Variants in GLCE observed in about 807,000 individuals in gnomAD.
GLCE encodes the protein glucuronic acid epimerase.
A neutral mutation model predicts 47.9 loss-of-function variants in GLCE; 19 were observed. That is an observed-to-expected ratio of 0.40 (90% CI 0.28 to 0.58). The LOEUF is 0.58. GLCE is among the 20% of genes least tolerant of loss of function. GLCE has a pLI of 0.48. For synonymous variants in GLCE, 245 were observed against 263.4 expected (o/e 0.93, Z 0.68); for missense variants, 556 against 743.3 (o/e 0.75, Z 2.93).
chr15:69,183,682 A>G (rs1056049882), intron 1 of GLCE, among the ~76,000 whole-genome samples: 3 of 152,240 alleles, frequency 2.0e-5, no homozygotes, highest in Non-Finnish European at 4.4e-5. Context: ...TGCTGGTAAC[A>G]AAGGCTGAAT....
intron 2 of GLCE, among the ~76,000 whole-genome samples, chr15:69,250,514 A>T (rs180789536): frequency 1.0e-4 from 15 of 150,516 alleles, no homozygotes; most frequent in African/African-American, 3.4e-4. Context: ...GTTTTTCATT[A>T]TTTTTTTTTA....
chr15:69,246,888 C>CT (rs1286856239), intron 2 of GLCE, among the ~76,000 whole-genome samples: 1 of 152,110 alleles, frequency 6.6e-6, no homozygotes, highest in Non-Finnish European at 1.5e-5. Flanking sequence ...TGAAGGGAAT[C>CT]TTTTTTTCTG....
intron 2 of GLCE, among the ~76,000 whole-genome samples, chr15:69,233,569 G>C (rs2052554010): frequency 6.6e-6 from 1 of 152,142 alleles, no homozygotes; most frequent in South Asian, 2.1e-4. Context: ...TTAAACTTCT[G>C]TTTAAAGTCA....
chr15:69,190,543 A>G (rs1039056441), intron 1 of GLCE, among the ~76,000 whole-genome samples: 6 of 152,096 alleles, frequency 3.9e-5, no homozygotes, highest in African/African-American at 9.7e-5. Flanking sequence ...TTTTATTCTT[A>G]GTAATAATCT....
rs2052343888 is a variant in GLCE at position 69,218,986 on chromosome 15, G to A, written c.-14+8580G>A. ...TAGCTGCAAATAATACTTTTAAACT[G>A]TTTTGTCAATAAACTCATTTTATTG... On this transcript the variant is annotated intron_variant, in intron 2 of 4. Coordinates refer to ENST00000261858, the MANE Select transcript of GLCE (RefSeq NM_015554.3). Among the ~76,000 whole-genome samples the A allele has an allele frequency of 2.0e-5, 3 of 151,966 alleles. No individual in the cohort carries two copies. In the South Asian group the frequency reaches 6.2e-4, roughly 32 times the overall value.
intron 3 of GLCE, among the ~76,000 whole-genome samples, chr15:69,259,864 T>A (rs1275783627): frequency 6.6e-6 from 1 of 152,212 alleles, no homozygotes; most frequent in African/African-American, 2.4e-5. Flanking sequence ...CCGTAAACAT[T>A]GTTTTGAATC....
intron 2 of GLCE, among the ~76,000 whole-genome samples, chr15:69,221,093 A>G (rs1433779382): frequency 5.5e-4 from 83 of 152,204 alleles, no homozygotes; most frequent in Non-Finnish European, 2.1e-4. Context: ...GTTCATTTCT[A>G]GGCCCTCTAG....
At chr15:69,197,761 G>A (rs1595749651) in intron 1 of GLCE, among the ~76,000 whole-genome samples, 1 of 152,144 alleles carries the variant, frequency 6.6e-6, no homozygotes, top group African/African-American at 2.4e-5. Context: ...GACAGTGAGT[G>A]TAGATAACAC....
chr15:69,255,936 A>C lies in GLCE; in HGVS notation c.130A>C (p.Ser44Arg). ...AGCAATCCAGTTTCCACGGCGTTCG[A>C]GTAGTGGCTTCAGAGTGGATGGGTT... is the stretch of plus-strand genomic sequence containing the variant. ...DKAIQFPRRS[S>R]SGFRVDGFEK... Residue 44 changes from serine to arginine, a missense_variant, in exon 3 of 5, where the codon AGT (serine) becomes CGT (arginine). Physicochemically the swap from Ser to Arg is moderately radical, Grantham distance 110. Around this residue, in one of 3 missense-constraint regions of GLCE, gnomAD observed 237 missense variants for 310.9 expected, o/e 0.76. Transcript: ENST00000261858. The C allele has an allele frequency of 2.5e-6, 4 of 1,614,056 alleles. No homozygotes were observed. The highest frequency in any genetic ancestry group is 3.4e-6 in the Non-Finnish European group (4 of 1,179,988).
chr15:69,198,874 G>A (rs920452380), intron 1 of GLCE, among the ~76,000 whole-genome samples: 3 of 152,032 alleles, frequency 2.0e-5, no homozygotes, highest in African/African-American at 7.2e-5. Context: ...TTCTTTATAA[G>A]CAAGTTACTA....
At chr15:69,188,259 CAAA>C (rs1311885031) in intron 1 of GLCE, among the ~76,000 whole-genome samples, 1 of 151,786 alleles carries the variant, frequency 6.6e-6, no homozygotes, top group Non-Finnish European at 1.5e-5. Flanking sequence ...CAAAACAAAA[CAAA>C]AAAACACAAC....
At chr15:69,203,199 T>C (rs1220368021) in intron 1 of GLCE, among the ~76,000 whole-genome samples, 2 of 152,142 alleles carry the variant, frequency 1.3e-5, no homozygotes, top group Non-Finnish European at 2.9e-5. Context: ...AATTGGCAAC[T>C]TTTGAAGAGA....
chr15:69,172,980 A>G (rs981717435), intron 1 of GLCE, among the ~76,000 whole-genome samples: 4 of 152,328 alleles, frequency 2.6e-5, no homozygotes, highest in South Asian at 2.1e-4. Flanking sequence ...AGTCTGCACA[A>G]ATACAAGATG....
intron 2 of GLCE, among the ~76,000 whole-genome samples, chr15:69,254,465 A>T (rs1330596516): frequency 6.6e-6 from 1 of 152,178 alleles, no homozygotes. Flanking sequence ...TTGAGGGTGG[A>T]GTAGTAGGGT....
chr15:69,190,774 G>A (rs543456851), intron 1 of GLCE, among the ~76,000 whole-genome samples: 2 of 152,040 alleles, frequency 1.3e-5, no homozygotes, highest in Admixed American at 6.6e-5. Context: ...TTAATATGAT[G>A]ACTGGTATGA....
Position 69,268,893 on chromosome 15 carries a change from A to G in GLCE, c.1503A>G (p.Pro501=), listed in dbSNP as rs767553489. The change falls in exon 5 of 5, where the codon CCA becomes CCG. Residue 501 remains proline (P), a synonymous_variant. Coordinates refer to ENST00000261858, the MANE Select transcript of GLCE (RefSeq NM_015554.3). The stretch of plus-strand genomic sequence containing the variant: ...AACATGACTGGTATGAAGAATATCC[A>G]ACCACACCTAGCTCTTTTGTTTTAA... ...MNKHDWYEEY[P]TTPSSFVLNG... 1.1e-5 allele frequency: 17 copies of G among 1,613,698 alleles called. No homozygotes were observed. In the Admixed American group the frequency reaches 2.3e-4, roughly 22 times the overall value.
intron 1 of GLCE, among the ~76,000 whole-genome samples, chr15:69,171,180 CCAAT>C (rs2051582610): frequency 6.6e-6 from 1 of 152,080 alleles, no homozygotes; most frequent in African/African-American, 2.4e-5. Flanking sequence ...AATTTAAAAA[CCAAT>C]CACCCTCAAT....
intron 1 of GLCE, among the ~76,000 whole-genome samples, chr15:69,163,123 G>T (rs1339830592): frequency 2.6e-5 from 4 of 152,168 alleles, no homozygotes; most frequent in Admixed American, 1.3e-4. Flanking sequence ...CAGATATTTG[G>T]TTGGAATGAC....
intron 2 of GLCE, among the ~76,000 whole-genome samples, chr15:69,216,895 T>C (rs1440364320): frequency 9.9e-5 from 15 of 151,742 alleles, no homozygotes; most frequent in Admixed American, 9.8e-4. Flanking sequence ...GTTTCCTATT[T>C]CAGTAGGAGA....
Sources: gnomAD v4.1 joint callset for allele counts (sites outside exome capture counted in the v4.1 genomes callset) on GRCh38, gnomAD v4.1.1 for gene constraint, gnomAD v4.1.1 regional missense constraint, MANE v1.5 for transcripts, NCBI Gene and HGNC (gene_info 2026-07-23, HGNC 2026-07-21) for gene names.